Variants in ADAMTS12 observed in about 807,000 individuals in gnomAD.
ADAMTS12 encodes the protein ADAM metallopeptidase with thrombospondin type 1 motif 12.
A neutral mutation model predicts 167.8 loss-of-function variants in ADAMTS12; 118 were observed. The ratio of observed to expected loss-of-function variants is 0.70; its 90% CI spans 0.61 to 0.82. The LOEUF (loss-of-function observed/expected upper bound fraction) is 0.82. ADAMTS12 is among the 40% of genes least tolerant of loss of function. The probability of loss-of-function intolerance (pLI) is 0.00; values close to 1 mark genes in which losing one functional copy is unlikely to be tolerated. For synonymous variants in ADAMTS12, 704 were observed against 716.9 expected (o/e 0.98, Z 0.29); for missense variants, 1,916 against 1,998.8 (o/e 0.96, Z 0.79).
chr5:33,707,790 A>G (rs1358368477), intron 3 of ADAMTS12, among the ~76,000 whole-genome samples: 1 of 152,188 alleles, frequency 6.6e-6, no homozygotes, highest in African/African-American at 2.4e-5. Context: ...TACACTTTAT[A>G]CAAAAATTAA....
chr5:33,706,091 CT>C (rs1417524799), intron 3 of ADAMTS12, among the ~76,000 whole-genome samples: 3 of 151,780 alleles, frequency 2.0e-5, no homozygotes, highest in Non-Finnish European at 4.4e-5. Context: ...ATACCAATGA[CT>C]TTTTTTTAAA....
intron 2 of ADAMTS12, among the ~76,000 whole-genome samples, chr5:33,852,147 G>A (rs1749241221): frequency 1.3e-5 from 2 of 151,926 alleles, no homozygotes; most frequent in African/African-American, 2.4e-5. Context: ...CTAAAACAAA[G>A]ACCAAGGAAG....
At chr5:33,871,086 A>G (rs1356361132) in intron 2 of ADAMTS12, among the ~76,000 whole-genome samples, 2 of 152,240 alleles carry the variant, frequency 1.3e-5, no homozygotes, top group African/African-American at 4.8e-5. Context: ...CATAAATTTA[A>G]CAGCTTAGAT....
chr5:33,635,673 G>A (rs1740154874), intron 12 of ADAMTS12, among the ~76,000 whole-genome samples: 1 of 152,164 alleles, frequency 6.6e-6, no homozygotes, highest in Non-Finnish European at 1.5e-5. Flanking sequence ...ATGCCTGGGA[G>A]GCTGTAAGGC....
chr5:33,573,319 C>T (rs1306419440), intron 19 of ADAMTS12, among the ~76,000 whole-genome samples: 150 of 152,220 alleles, frequency 9.9e-4, no homozygotes, highest in African/African-American at 3.3e-3. Context: ...AGAACAAAGC[C>T]AGAGGCATCA....
At chr5:33,598,267 A>T (rs1738011472) in intron 16 of ADAMTS12, among the ~76,000 whole-genome samples, 1 of 152,210 alleles carries the variant, frequency 6.6e-6, no homozygotes, top group Admixed American at 6.5e-5. Context: ...TCTTCCAATG[A>T]GGGCCCCAAC....
intron 2 of ADAMTS12, among the ~76,000 whole-genome samples, chr5:33,825,646 T>C (rs1351034311): frequency 6.6e-6 from 1 of 152,226 alleles, no homozygotes; most frequent in Non-Finnish European, 1.5e-5. Context: ...GTGATCAGAA[T>C]TGTTTTTGTT....
chr5:33,625,796 C>T (rs908918865), intron 13 of ADAMTS12, among the ~76,000 whole-genome samples: 2 of 152,134 alleles, frequency 1.3e-5, no homozygotes, highest in South Asian at 4.1e-4. Flanking sequence ...ATTTAGTTTT[C>T]CTGTGAGCTG....
intron 7 of ADAMTS12, among the ~76,000 whole-genome samples, chr5:33,652,797 G>A (rs1010009100): frequency 3.3e-5 from 5 of 152,142 alleles, no homozygotes; most frequent in Non-Finnish European, 2.9e-5. Context: ...TGTATGTGGT[G>A]AGAGATAGGG....
intron 23 of ADAMTS12, among the ~76,000 whole-genome samples, chr5:33,534,003 T>C (rs1744247986): frequency 6.6e-6 from 1 of 152,252 alleles, no homozygotes; most frequent in South Asian, 2.1e-4. Context: ...CTCACTTCTC[T>C]GTTTTTAATT....
intron 3 of ADAMTS12, among the ~76,000 whole-genome samples, chr5:33,694,599 C>T (rs1271159967): frequency 6.6e-6 from 1 of 151,948 alleles, no homozygotes; most frequent in Non-Finnish European, 1.5e-5. Context: ...AAGGGAAAGA[C>T]TGAACGCAGA....
At chr5:33,858,677 A>G (rs974696743) in intron 2 of ADAMTS12, among the ~76,000 whole-genome samples, 1 of 151,410 alleles carries the variant, frequency 6.6e-6, no homozygotes, top group African/African-American at 2.4e-5. Flanking sequence ...AAAAGAAAAG[A>G]AAAAAGAAAT....
chr5:33,555,908 A>C (rs1288138031), intron 20 of ADAMTS12, among the ~76,000 whole-genome samples: 1 of 152,186 alleles, frequency 6.6e-6, no homozygotes, highest in African/African-American at 2.4e-5. Context: ...CTGACTGTGT[A>C]GTACTGGGGA....
chr5:33,682,403 C>G (rs1314457964), intron 5 of ADAMTS12, among the ~76,000 whole-genome samples: 1 of 152,102 alleles, frequency 6.6e-6, no homozygotes, highest in Non-Finnish European at 1.5e-5. Context: ...TGGATATGAG[C>G]CTGAAGCCCA....
chr5:33,565,748 T>C (rs1418286153), intron 19 of ADAMTS12, among the ~76,000 whole-genome samples: 4 of 151,878 alleles, frequency 2.6e-5, no homozygotes, highest in African/African-American at 9.7e-5. Flanking sequence ...CAAATAATGA[T>C]GTTTGAGATA....
At chr5:33,546,342 C>G (rs1744982770) in intron 21 of ADAMTS12, 140 bp from the exon 22 acceptor site, 1 of 692,036 alleles carries the variant, frequency 1.4e-6, no homozygotes, top group Non-Finnish European at 2.1e-6. Context: ...TTATAGCATT[C>G]CTGCAAATTC....
chr5:33,815,325 TA>T (rs1190640549), intron 2 of ADAMTS12, among the ~76,000 whole-genome samples: 1 of 152,086 alleles, frequency 6.6e-6, no homozygotes, highest in African/African-American at 2.4e-5. Context: ...GGGAGGTAAT[TA>T]TTAACAGGTT....
chr5:33,834,562 T>C (rs1748435206), intron 2 of ADAMTS12, among the ~76,000 whole-genome samples: 1 of 152,192 alleles, frequency 6.6e-6, no homozygotes, highest in African/African-American at 2.4e-5. Context: ...TATGAACTCT[T>C]AGCTTGCATT....
chr5:33,685,571 A>T (rs1742294732), intron 3 of ADAMTS12, among the ~76,000 whole-genome samples: 1 of 152,246 alleles, frequency 6.6e-6, no homozygotes. Context: ...GACAAAAGAA[A>T]TGAAACATCA....
Sources: allele counts gnomAD v4.1 joint callset (sites outside exome capture counted in the v4.1 genomes callset), GRCh38; gene constraint gnomAD v4.1.1; transcripts MANE v1.5; gene names NCBI Gene and HGNC (gene_info 2026-07-23, HGNC 2026-07-21).